Variants in GPC4 observed in about 807,000 individuals in gnomAD.
The protein encoded by GPC4 is glypican-4.
In GPC4, 10 loss-of-function variants were observed where a neutral mutation model predicts 35.0. The observed-to-expected ratio is 0.29, with a 90% CI of 0.18 to 0.48. GPC4 has a LOEUF of 0.48. Ranked by LOEUF, GPC4 falls within the 20% of genes least tolerant of loss-of-function variation. GPC4 has a pLI of 0.99. For missense variants in GPC4, 322 were observed against 451.3 expected (o/e 0.71, Z 2.60); for synonymous variants, 167 against 170.2 (o/e 0.98, Z 0.15).
At chrX:133,352,862 T>G (rs940719852) in intron 1 of GPC4, among the ~76,000 whole-genome samples, 3 of 111,380 alleles carry the variant, frequency 2.7e-5, no homozygotes, top group Non-Finnish European at 5.7e-5. Context: ...TGGGCTGCCA[T>G]CCAGCCACCC....
At chrX:133,372,919 T>C (rs1316574134) in intron 1 of GPC4, among the ~76,000 whole-genome samples, 1 of 111,696 alleles carries the variant, frequency 9.0e-6, no homozygotes, top group East Asian at 2.8e-4. Flanking sequence ...TCCTTGAGTA[T>C]CTCCATTAAC....
intron 1 of GPC4, among the ~76,000 whole-genome samples, chrX:133,400,636 A>T (rs1049550187): frequency 8.9e-6 from 1 of 112,015 alleles, no homozygotes; most frequent in Non-Finnish European, 1.9e-5. Flanking sequence ...TACAGATGGG[A>T]GTTCATATGT....
At chrX:133,361,611 C>T (rs1232454435) in intron 1 of GPC4, among the ~76,000 whole-genome samples, 2 of 109,115 alleles carry the variant, frequency 1.8e-5, no homozygotes, top group African/African-American at 6.7e-5. Context: ...AACTCTCAAA[C>T]CACATGCCTT....
chrX:133,319,443 CAAAAAAAAAAAA>C (rs369290840), intron 3 of GPC4, among the ~76,000 whole-genome samples: 4 of 16,899 alleles, frequency 2.4e-4, no homozygotes, highest in Admixed American at 1.1e-3. Flanking sequence ...GACCCTATGT[CAAAAAAAAAAAA>C]AAAAAAAAAA....
chrX:133,403,879 T>A (rs1056967639), intron 1 of GPC4, among the ~76,000 whole-genome samples: 5 of 110,105 alleles, frequency 4.5e-5, no homozygotes, highest in Non-Finnish European at 9.5e-5. Flanking sequence ...GTGTTTTTAG[T>A]CGAGAAGGGG....
intron 3 of GPC4, among the ~76,000 whole-genome samples, chrX:133,312,582 T>C (rs2124110377): frequency 9.7e-6 from 1 of 102,900 alleles, no homozygotes; most frequent in East Asian, 3.1e-4. Flanking sequence ...CGAGCCGAGA[T>C]CTCACCACTA....
At chrX:133,323,835 T>C (rs1186696256) in intron 3 of GPC4, among the ~76,000 whole-genome samples, 1 of 112,005 alleles carries the variant, frequency 8.9e-6, no homozygotes, top group African/African-American at 3.3e-5. Flanking sequence ...CTAAAATGGG[T>C]ATGGCAGTAT....
At chrX:133,323,194 A>G (rs2068374456) in intron 3 of GPC4, among the ~76,000 whole-genome samples, 1 of 111,800 alleles carries the variant, frequency 8.9e-6, no homozygotes, top group South Asian at 3.8e-4. Context: ...AACAGAGTCT[A>G]TCGGCCAGGC....
rs752732216 is a variant in GPC4 at position 133,305,985 on chromosome X, GGTCC to G, written c.1008+35_1008+38del. The G allele has an allele frequency of 2.4e-5, 29 of 1,207,902 alleles. No homozygotes were observed. In the African/African-American group the frequency reaches 4.0e-4, roughly 17 times the overall value. On this transcript the variant is annotated intron_variant, in intron 5 of 8. Transcript: ENST00000370828. ...CAAGGCGGGAGGCGGAGGCGGGGGA[GGTCC>G]CTAGCTCCCCTTTCCAGCATCCTGC... is the stretch of plus-strand genomic sequence containing the variant.
chrX:133,414,256 G>A (rs1408690156), intron 1 of GPC4, among the ~76,000 whole-genome samples: 1 of 109,139 alleles, frequency 9.2e-6, no homozygotes, highest in Non-Finnish European at 1.9e-5. Flanking sequence ...GAGGCGGGGA[G>A]AGAGTTTTAA....
At chrX:133,310,709 G>A (rs1204193497) in intron 4 of GPC4, among the ~76,000 whole-genome samples, 1 of 112,043 alleles carries the variant, frequency 8.9e-6, no homozygotes, top group Non-Finnish European at 1.9e-5. Flanking sequence ...AGAAGATTTA[G>A]TTGCAGTGTA....
chrX:133,329,812 T>C (rs933886286), intron 2 of GPC4, among the ~76,000 whole-genome samples: 1 of 111,754 alleles, frequency 8.9e-6, no homozygotes, highest in Non-Finnish European at 1.9e-5. Context: ...TAAATGCAAG[T>C]AGTACTAATT....
chrX:133,306,531 G>A (rs1329669948), intron 4 of GPC4, among the ~76,000 whole-genome samples: 1 of 111,609 alleles, frequency 9.0e-6, no homozygotes, highest in Non-Finnish European at 1.9e-5. Context: ...CTCTCCCAGA[G>A]ACTTCCCTAG....
At chrX:133,374,780 A>G (rs913782399) in intron 1 of GPC4, among the ~76,000 whole-genome samples, 1 of 112,351 alleles carries the variant, frequency 8.9e-6, no homozygotes, top group African/African-American at 3.2e-5. Context: ...TGTATTAAGA[A>G]AGTCATTTCA....
chrX:133,379,182 A>G (rs148557854), intron 1 of GPC4, among the ~76,000 whole-genome samples: 92 of 112,776 alleles, frequency 8.2e-4, no homozygotes, highest in African/African-American at 2.7e-3. Context: ...CAAAAGGCAG[A>G]AGCAACCTAA....
chrX:133,406,274 G>A (rs1603100331), intron 1 of GPC4, among the ~76,000 whole-genome samples: 1 of 112,362 alleles, frequency 8.9e-6, no homozygotes, highest in East Asian at 2.8e-4. Flanking sequence ...GCACTCAGTT[G>A]TGGTTCACAC....
At position 133,414,347 on chromosome X, in the gene GPC4, ACCACAC is replaced by A. The variant is rs1227128449; in HGVS notation, c.160+453_160+458del. 3 of 313,372 alleles carry A rather than the reference ACCACAC, an allele frequency of 9.6e-6. No homozygotes were observed. In the Admixed American group the frequency reaches 2.9e-4, roughly 31 times the overall value. 25.8% of individuals were successfully genotyped at this position (313,372 alleles called of 1,213,427 possible). A position where few individuals can be genotyped will look rare whatever the true frequency, so the allele number is the denominator to read the frequency against. ...AGCAAGCTCCGGGACGTTTCCCTCC[ACCACAC>A]CCCACTGGCGACCCCCACCCCCACC... On this transcript the variant is annotated intron_variant, in intron 1 of 8. Coordinates refer to ENST00000370828, the MANE Select transcript of GPC4 (RefSeq NM_001448.3).
At chrX:133,406,747 C>G (rs1435692495) in intron 1 of GPC4, among the ~76,000 whole-genome samples, 1 of 38,331 alleles carries the variant, frequency 2.6e-5, no homozygotes. Context: ...GACTTCGTCT[C>G]AAAAAAAAAA....
intron 1 of GPC4, among the ~76,000 whole-genome samples, chrX:133,355,414 G>C (rs1024640849): frequency 8.9e-6 from 1 of 111,858 alleles, no homozygotes; most frequent in Non-Finnish European, 1.9e-5. Flanking sequence ...GCATTGTTTC[G>C]TTATTATGAG....
Sources: allele counts gnomAD v4.1 joint callset (sites outside exome capture counted in the v4.1 genomes callset), GRCh38; gene constraint gnomAD v4.1.1; transcripts MANE v1.5; gene names NCBI Gene and HGNC (gene_info 2026-07-23, HGNC 2026-07-21).